The following PRKD3 variants were observed in gnomAD, a reference collection of about 807,000 sequenced individuals.
The protein encoded by PRKD3 is serine/threonine-protein kinase D3.
PRKD3 carries 47 observed loss-of-function variants against 99.2 expected under a neutral mutation model. That is an observed-to-expected ratio of 0.47 (90% CI 0.38 to 0.60). The LOEUF (loss-of-function observed/expected upper bound fraction) is 0.60. Ranked by LOEUF, PRKD3 falls within the 20% of genes least tolerant of loss-of-function variation. PRKD3 has a pLI of 0.00. For missense variants in PRKD3, 1,019 were observed against 1,088.4 expected (o/e 0.94, Z 0.90); for synonymous variants, 392 against 355.4 (o/e 1.10, Z -1.16).
At chr2:37,267,662 T>C in intron 13 of PRKD3, 126 bp from the exon 14 acceptor site, 1 of 715,858 alleles carries the variant, frequency 1.4e-6, no homozygotes, top group Non-Finnish European at 2.4e-6. Flanking sequence ...TTGTTCTTTC[T>C]CCACACTCCT....
At chr2:37,305,122 G>C (rs1273057006) in intron 2 of PRKD3, among the ~76,000 whole-genome samples, 1 of 152,040 alleles carries the variant, frequency 6.6e-6, no homozygotes, top group Non-Finnish European at 1.5e-5. Flanking sequence ...AAACAACATA[G>C]AATGACAACT....
chr2:37,254,996 T>C (rs1667817273), intron 17 of PRKD3, among the ~76,000 whole-genome samples: 2 of 152,178 alleles, frequency 1.3e-5, no homozygotes, highest in African/African-American at 4.8e-5. Flanking sequence ...TAATGGTACA[T>C]TTGAAATATT....
At chr2:37,319,512 C>T (rs1180453818) in intron 1 of PRKD3, among the ~76,000 whole-genome samples, 1 of 151,842 alleles carries the variant, frequency 6.6e-6, no homozygotes, top group Non-Finnish European at 1.5e-5. Flanking sequence ...ATTTAGTTTC[C>T]CCAAAATGTG....
intron 2 of PRKD3, among the ~76,000 whole-genome samples, chr2:37,300,652 C>T (rs1670884182): frequency 1.3e-5 from 2 of 152,082 alleles, no homozygotes; most frequent in Admixed American, 1.3e-4. Context: ...TAAATATGTA[C>T]AACTATTATT....
At chr2:37,286,464 T>A in intron 5 of PRKD3, 95 bp from the exon 6 acceptor site, 2 of 1,068,082 alleles carry the variant, frequency 1.9e-6, no homozygotes, top group African/African-American at 1.6e-5. Flanking sequence ...TTTCAAACAC[T>A]AAAGCCAAAA....
rs1356669546 is a variant in PRKD3 at position 37,277,982 on chromosome 2, T to C, written c.1180A>G (p.Thr394Ala). Reference protein sequence around the residue: ...EEAVKTISPSTSNNIPLMRVV... With the variant: ...EEAVKTISPSASNNIPLMRVV... ...CTCATTAGCGGAATATTATTGCTTG[T>C]TGATGGACTAAAAAATATTTAAAAT... Residue 394 changes from threonine to alanine, a missense_variant, in exon 9 of 19, where the codon ACA becomes GCA. Thr to Ala is a moderately conservative substitution (Grantham distance 58). Around this residue, in one of 3 missense-constraint regions of PRKD3, gnomAD observed 710 missense variants for 692.7 expected, o/e 1.02. Transcript: ENST00000234179. 9 of 1,599,042 alleles carry C rather than the reference T, an allele frequency of 5.6e-6. No individual in the cohort carries two copies. The highest frequency in any genetic ancestry group is 7.7e-6 in the Non-Finnish European group (9 of 1,171,470).
At chr2:37,291,151 T>C (rs1670403983) in intron 3 of PRKD3, 152 bp from the exon 4 acceptor site, 2 of 688,496 alleles carry the variant, frequency 2.9e-6, no homozygotes, top group East Asian at 3.2e-5. Context: ...AATATTGTGA[T>C]TTCAAACTCT....
At chr2:37,319,357 A>G (rs1671782823) in intron 1 of PRKD3, among the ~76,000 whole-genome samples, 1 of 152,202 alleles carries the variant, frequency 6.6e-6, no homozygotes, top group Non-Finnish European at 1.5e-5. Flanking sequence ...GCCTTGAAAC[A>G]CTGTCCTCAG....
intron 2 of PRKD3, among the ~76,000 whole-genome samples, chr2:37,309,453 T>C (rs934435654): frequency 2.0e-5 from 3 of 152,344 alleles, no homozygotes; most frequent in Non-Finnish European, 4.4e-5. Context: ...GCATGCTTAC[T>C]TACTCACTGC....
At chr2:37,262,871 T>G (rs1668570955) in intron 14 of PRKD3, among the ~76,000 whole-genome samples, 1 of 151,912 alleles carries the variant, frequency 6.6e-6, no homozygotes, top group East Asian at 1.9e-4. Context: ...CTGATAGAGA[T>G]GAGCAAAGTA....
intron 7 of PRKD3, among the ~76,000 whole-genome samples, chr2:37,280,149 A>C (rs1324107030): frequency 1.3e-5 from 2 of 150,132 alleles, no homozygotes; most frequent in African/African-American, 2.5e-5. Flanking sequence ...GGTTCAAGCG[A>C]TTCTCTAGCC....
Position 37,274,668 on chromosome 2 carries a change from T to C in PRKD3, c.1404A>G (p.Ile468Met). The part of the protein sequence containing the change: ...KEIPLSEILR[I>M]SSPRDFTNIS... ...TGTTTGTGAAATCTCGTGGTGAAGA[T>C]ATGCGGAGAATTTCTGAAAGTGGAA... Residue 468 changes from isoleucine (I) to methionine (M), a missense_variant, in exon 11 of 19, where the codon ATA becomes ATG. Coordinates refer to ENST00000234179, the MANE Select transcript of PRKD3 (RefSeq NM_005813.6). 1 of 1,613,774 alleles carries C rather than the reference T, an allele frequency of 6.2e-7. No homozygotes were observed. The highest frequency in any genetic ancestry group is 8.5e-7 in the Non-Finnish European group (1 of 1,179,722).
intron 12 of PRKD3, among the ~76,000 whole-genome samples, chr2:37,270,638 C>T (rs1300925006): frequency 1.3e-5 from 2 of 152,166 alleles, no homozygotes; most frequent in East Asian, 1.9e-4. Flanking sequence ...CAGACCCACA[C>T]TTATAAAGAC....
chr2:37,299,809 G>C (rs1670843537), intron 2 of PRKD3, among the ~76,000 whole-genome samples: 4 of 152,134 alleles, frequency 2.6e-5, no homozygotes, highest in African/African-American at 9.7e-5. Context: ...CTAATCATCA[G>C]AGAAATGCAA....
At chr2:37,260,426 A>G in intron 14 of PRKD3, 42 bp from the exon 15 acceptor site, 5 of 1,541,846 alleles carry the variant, frequency 3.2e-6, no homozygotes, top group East Asian at 2.3e-5. Context: ...TTAAGCAGAG[A>G]AACAGTTTTA....
At position 37,324,673 on chromosome 2, in the gene PRKD3, C is replaced by T. The variant is rs891161816; in HGVS notation, c.-656+8G>A. The stretch of plus-strand genomic sequence containing the variant: ...GTCTGTTCAGCGCTCCCCGAGGCGA[C>T]TACTTACAGTGGCAGGCTCGGCCCG... On this transcript the variant is annotated splice_region_variant and intron_variant, in intron 1 of 18. Transcript: ENST00000234179. 3.3e-5 allele frequency: 5 copies of T among 151,382 alleles called. No homozygotes were observed. The highest frequency in any genetic ancestry group is 1.2e-4 in the African/African-American group (5 of 41,356). 9.4% of individuals were successfully genotyped at this position (151,382 alleles called of 1,614,324 possible).
intron 2 of PRKD3, among the ~76,000 whole-genome samples, chr2:37,310,864 C>T (rs1183753326): frequency 6.6e-6 from 1 of 152,152 alleles, no homozygotes; most frequent in Non-Finnish European, 1.5e-5. Context: ...GCAATAATAC[C>T]TTATACATAA....
chr2:37,267,670 C>G, intron 13 of PRKD3, 134 bp from the exon 14 acceptor site: 1 of 651,656 alleles, frequency 1.5e-6, no homozygotes, highest in South Asian at 1.9e-5. Context: ...TCTCCACACT[C>G]CTTCACTCAC....
At chr2:37,317,496 G>C (rs1456026096) in intron 1 of PRKD3, among the ~76,000 whole-genome samples, 3 of 151,668 alleles carry the variant, frequency 2.0e-5, no homozygotes, top group Non-Finnish European at 4.4e-5. Flanking sequence ...ACATGACTGA[G>C]TTATATCAAA....
Sources: gnomAD v4.1 joint callset for allele counts (sites outside exome capture counted in the v4.1 genomes callset) on GRCh38, gnomAD v4.1.1 for gene constraint, gnomAD v4.1.1 regional missense constraint, MANE v1.5 for transcripts, NCBI Gene and HGNC (gene_info 2026-07-23, HGNC 2026-07-21) for gene names.